The following CPNE4 variants were observed in gnomAD, a reference collection of about 807,000 sequenced individuals.
The protein encoded by CPNE4 is copine 4.
Under a neutral mutation model 67.9 loss-of-function variants are expected in CPNE4, and 25 were observed. The ratio of observed to expected loss-of-function variants is 0.37; its 90% CI spans 0.27 to 0.51. CPNE4 has a LOEUF of 0.51. Among genes scored for constraint, CPNE4 ranks in the 20% least tolerant of loss-of-function variants. The pLI is 0.93. For synonymous variants in CPNE4, 242 were observed against 244.9 expected, an observed-to-expected ratio of 0.99 and a Z score of 0.11; for missense variants, 464 against 690.8, an observed-to-expected ratio of 0.67 and a Z score of 3.68.
chr3:131,773,155 G>T (rs1033477249), intron 2 of CPNE4, among the ~76,000 whole-genome samples: 2 of 152,028 alleles, frequency 1.3e-5, no homozygotes, highest in African/African-American at 4.8e-5. Context: ...GCCAAATGAG[G>T]TAGTATAATA....
chr3:131,772,442 C>G (rs892298463), intron 2 of CPNE4, among the ~76,000 whole-genome samples: 4 of 152,126 alleles, frequency 2.6e-5, no homozygotes, highest in African/African-American at 9.7e-5. Flanking sequence ...AGCTATGAGG[C>G]AGCATCTCCA....
intron 2 of CPNE4, among the ~76,000 whole-genome samples, chr3:131,865,468 C>A (rs1011825258): frequency 2.6e-5 from 4 of 152,130 alleles, no homozygotes; most frequent in African/African-American, 9.7e-5. Flanking sequence ...ATCTCGCATT[C>A]TTTATAAGGC....
intron 7 of CPNE4, among the ~76,000 whole-genome samples, chr3:131,588,462 T>A (rs1311393020): frequency 6.6e-6 from 1 of 152,078 alleles, no homozygotes; most frequent in Non-Finnish European, 1.5e-5. Flanking sequence ...TCAAATAAGA[T>A]CAAGGCAGCA....
intron 1 of CPNE4, among the ~76,000 whole-genome samples, chr3:131,942,764 G>T (rs1409939910): frequency 6.6e-6 from 1 of 152,056 alleles, no homozygotes; most frequent in African/African-American, 2.4e-5. Context: ...CTAAAGCAAG[G>T]CATTGCCATA....
intron 4 of CPNE4, among the ~76,000 whole-genome samples, chr3:131,698,651 C>T (rs2081218335): frequency 6.6e-6 from 1 of 151,008 alleles, no homozygotes; most frequent in African/African-American, 2.4e-5. Flanking sequence ...GTGGCTCACA[C>T]CTGTAATCCC....
At chr3:131,982,070 A>G (rs1335900156) in intron 1 of CPNE4, among the ~76,000 whole-genome samples, 3 of 152,126 alleles carry the variant, frequency 2.0e-5, no homozygotes, top group Non-Finnish European at 4.4e-5. Context: ...CAGAGCTGCA[A>G]TCTAGTCCTG....
chr3:131,574,135 A>C (rs73874125), intron 10 of CPNE4, among the ~76,000 whole-genome samples: 6,958 of 152,062 alleles, frequency 0.046, 368 homozygotes, highest in African/African-American at 0.13. Flanking sequence ...AACCCATTTT[A>C]TTTCCTTTTT....
At chr3:131,580,089 C>A (rs1300027114) in intron 9 of CPNE4, among the ~76,000 whole-genome samples, 2 of 152,008 alleles carry the variant, frequency 1.3e-5, no homozygotes, top group Non-Finnish European at 2.9e-5. Flanking sequence ...CCTCAGCCAC[C>A]CCAACTTTCA....
chr3:131,682,131 T>C (rs1372806674), intron 6 of CPNE4, among the ~76,000 whole-genome samples: 1 of 152,168 alleles, frequency 6.6e-6, no homozygotes, highest in Non-Finnish European at 1.5e-5. Flanking sequence ...GATTGGTCTC[T>C]GGTGCTTTAT....
chr3:131,653,088 A>G (rs979593618), intron 7 of CPNE4, among the ~76,000 whole-genome samples: 5 of 151,912 alleles, frequency 3.3e-5, no homozygotes, highest in African/African-American at 1.2e-4. Flanking sequence ...ATCTGGTACC[A>G]AGTTCTGGTC....
At chr3:132,014,925 T>G (rs915802854) in intron 1 of CPNE4, among the ~76,000 whole-genome samples, 1 of 152,196 alleles carries the variant, frequency 6.6e-6, no homozygotes, top group African/African-American at 2.4e-5. Context: ...TATCTCTGTA[T>G]TCTTAAAATT....
chr3:131,934,680 TG>T (rs1243689199), intron 1 of CPNE4, among the ~76,000 whole-genome samples: 1 of 152,166 alleles, frequency 6.6e-6, no homozygotes, highest in African/African-American at 2.4e-5. Context: ...TTTCTGTTCC[TG>T]TGTTAGTTTG....
At chr3:131,893,627 C>T (rs555418122) in intron 2 of CPNE4, among the ~76,000 whole-genome samples, 25 of 151,998 alleles carry the variant, frequency 1.6e-4, no homozygotes, top group African/African-American at 6.0e-4. Flanking sequence ...CCTTTCTGAT[C>T]ACAATGTTAT....
At chr3:131,900,657 G>A (rs1367815144) in intron 2 of CPNE4, among the ~76,000 whole-genome samples, 1 of 152,008 alleles carries the variant, frequency 6.6e-6, no homozygotes, top group African/African-American at 2.4e-5. Flanking sequence ...TACATGCTGG[G>A]GTTAAATAGC....
intron 2 of CPNE4, among the ~76,000 whole-genome samples, chr3:131,887,781 C>T (rs1048389654): frequency 2.0e-5 from 3 of 152,194 alleles, no homozygotes; most frequent in African/African-American, 7.2e-5. Context: ...CTCTTATCCA[C>T]ATCCTTTAAA....
intron 7 of CPNE4, among the ~76,000 whole-genome samples, chr3:131,607,824 T>C (rs1162796629): frequency 6.6e-6 from 1 of 152,168 alleles, no homozygotes; most frequent in Non-Finnish European, 1.5e-5. Flanking sequence ...TGAGAGCCTT[T>C]GAAATGACAA....
At chr3:131,978,985 G>A (rs1477917199) in intron 1 of CPNE4, among the ~76,000 whole-genome samples, 2 of 152,052 alleles carry the variant, frequency 1.3e-5, no homozygotes, top group Non-Finnish European at 1.5e-5. Flanking sequence ...TAATTTCCAA[G>A]TATTTGCATG....
chr3:131,820,105 T>C (rs931686174), intron 2 of CPNE4, among the ~76,000 whole-genome samples: 1 of 152,198 alleles, frequency 6.6e-6, no homozygotes, highest in Admixed American at 6.5e-5. Flanking sequence ...AGAATTTTCC[T>C]AAAACAATCC....
chr3:131,850,822 A>G (rs565521663), intron 2 of CPNE4, among the ~76,000 whole-genome samples: 1 of 152,216 alleles, frequency 6.6e-6, no homozygotes, highest in East Asian at 1.9e-4. Flanking sequence ...AGAGTGGTTA[A>G]CCAGATCCAA....
Sources: gnomAD v4.1 joint callset for allele counts (sites outside exome capture counted in the v4.1 genomes callset) on GRCh38, gnomAD v4.1.1 for gene constraint, MANE v1.5 for transcripts, NCBI Gene and HGNC (gene_info 2026-07-23, HGNC 2026-07-21) for gene names.